Variants in UBE2K observed in about 807,000 individuals in gnomAD.
UBE2K encodes ubiquitin-conjugating enzyme E2 K.
In UBE2K, 6 loss-of-function variants were observed where a neutral mutation model predicts 30.0. The observed-to-expected ratio is 0.20, with a 90% CI of 0.11 to 0.39. UBE2K has a LOEUF of 0.39. Among genes scored for constraint, UBE2K ranks in the 10% least tolerant of loss-of-function variants. The pLI is 1.00. For synonymous variants in UBE2K, 86 were observed against 83.7 expected (o/e 1.03, Z -0.15); for missense variants, 61 against 241.6 (o/e 0.25, Z 4.96).
At chr4:39,705,053 T>G (rs1213267371) in intron 1 of UBE2K, among the ~76,000 whole-genome samples, 2 of 150,010 alleles carry the variant, frequency 1.3e-5, no homozygotes, top group Non-Finnish European at 3.0e-5. Context: ...TTTTTTGTTT[T>G]TTTTTGTTTT....
chr4:39,758,155 A>G (rs1460558204), intron 4 of UBE2K, among the ~76,000 whole-genome samples: 1 of 152,074 alleles, frequency 6.6e-6, no homozygotes, highest in Non-Finnish European at 1.5e-5. Context: ...ACGTCCTTGC[A>G]TTTTCTCAGG....
rs1713611915 is a variant in UBE2K, at chr4:39,781,553, T to C, written c.*3119T>C. ...TAAGTGTATGCCTGATTTGAGCTTT[T>C]AAAACTGTGCAGTAGGTGTATGGTA... is the stretch of plus-strand genomic sequence containing the variant. On this transcript the variant is annotated 3_prime_UTR_variant, in exon 7 of 7. Coordinates refer to ENST00000261427, the MANE Select transcript of UBE2K (RefSeq NM_005339.5). 1 of 171,146 alleles carries C rather than the reference T, an allele frequency of 5.8e-6. No individual in the cohort carries two copies. Among genetic ancestry groups the C allele is most frequent in the African/African-American group, 2.4e-5 (1 of 42,418 alleles). 10.6% of individuals were successfully genotyped at this position (171,146 alleles called of 1,614,324 possible). A position where few individuals can be genotyped will look rare whatever the true frequency, so the allele number is the denominator to read the frequency against.
chr4:39,775,335 A>G (rs459274), intron 5 of UBE2K, among the ~76,000 whole-genome samples: 45,137 of 152,110 alleles, frequency 0.3, 8,406 homozygotes, highest in African/African-American at 0.54. Context: ...CACAGTTTCC[A>G]ATGACCTTGT....
chr4:39,775,325 C>T (rs1263184788), intron 5 of UBE2K, among the ~76,000 whole-genome samples: 1 of 152,220 alleles, frequency 6.6e-6, no homozygotes, highest in East Asian at 1.9e-4. Context: ...TGTGACATGG[C>T]ACAGTTTCCA....
intron 1 of UBE2K, among the ~76,000 whole-genome samples, chr4:39,718,014 C>G (rs1719193569): frequency 6.6e-6 from 1 of 152,016 alleles, no homozygotes; most frequent in African/African-American, 2.4e-5. Flanking sequence ...TGAGCAGTAG[C>G]AAGATTTATT....
At chr4:39,751,922 G>T (rs1473390138) in intron 3 of UBE2K, among the ~76,000 whole-genome samples, 2 of 152,038 alleles carry the variant, frequency 1.3e-5, no homozygotes, top group African/African-American at 4.8e-5. Flanking sequence ...AACCGAGATC[G>T]CACCACCGCA....
chr4:39,722,238 C>T (rs947911679), intron 1 of UBE2K, among the ~76,000 whole-genome samples: 16 of 152,102 alleles, frequency 1.1e-4, no homozygotes, highest in African/African-American at 1.2e-4. Context: ...TTTTTCTCAT[C>T]TCATTAATAC....
intron 4 of UBE2K, among the ~76,000 whole-genome samples, chr4:39,772,632 A>G (rs1355301259): frequency 6.6e-6 from 1 of 152,084 alleles, no homozygotes; most frequent in South Asian, 2.1e-4. Context: ...TTCTCTTTAC[A>G]TGTAACATTT....
chr4:39,749,872 A>G (rs1355216828), intron 3 of UBE2K, among the ~76,000 whole-genome samples: 1 of 152,150 alleles, frequency 6.6e-6, no homozygotes, highest in Non-Finnish European at 1.5e-5. Context: ...TAATAATATA[A>G]TATGCTTTGA....
At chr4:39,722,023 A>G (rs556779353) in intron 1 of UBE2K, among the ~76,000 whole-genome samples, 54 of 152,272 alleles carry the variant, frequency 3.5e-4, no homozygotes, top group African/African-American at 1.1e-3. Flanking sequence ...CAGTAGGTAC[A>G]GTGCCATGAT....
chr4:39,718,796 G>C (rs1352482277), intron 1 of UBE2K, among the ~76,000 whole-genome samples: 1 of 152,266 alleles, frequency 6.6e-6, no homozygotes, highest in African/African-American at 2.4e-5. Context: ...GCCGCTCAGA[G>C]TGCTGAGCCC....
At chr4:39,712,127 C>G (rs1006212865) in intron 1 of UBE2K, among the ~76,000 whole-genome samples, 5 of 150,290 alleles carry the variant, frequency 3.3e-5, no homozygotes, top group Admixed American at 6.6e-5. Flanking sequence ...TGAAACCGCC[C>G]CCCCTTTTTT....
intron 1 of UBE2K, among the ~76,000 whole-genome samples, chr4:39,714,875 TCTCA>T (rs955552868): frequency 4.4e-4 from 67 of 150,912 alleles, no homozygotes; most frequent in African/African-American, 1.3e-3. Flanking sequence ...AAGAGACAGG[TCTCA>T]CTCACACGCT....
chr4:39,778,230 G>T, intron 6 of UBE2K, 130 bp from the exon 7 acceptor site: 1 of 451,590 alleles, frequency 2.2e-6, no homozygotes, highest in Non-Finnish European at 3.8e-6. Flanking sequence ...AGCTTTCCAT[G>T]CACTGCAAAT....
chr4:39,702,206 ATTTTCTTTTC>A (rs36232683), intron 1 of UBE2K, among the ~76,000 whole-genome samples: 17 of 97,922 alleles, frequency 1.7e-4, no homozygotes, highest in Non-Finnish European at 2.9e-4. Flanking sequence ...CTTTGGTAAC[ATTTTCTTTTC>A]TTTTCTTTTC....
At chr4:39,705,717 C>A (rs1053366796) in intron 1 of UBE2K, among the ~76,000 whole-genome samples, 1 of 152,066 alleles carries the variant, frequency 6.6e-6, no homozygotes, top group Admixed American at 6.6e-5. Flanking sequence ...GACAGAGTCT[C>A]GGCTCTATCA....
chr4:39,698,492 TG>T, intron 1 of UBE2K, 102 bp downstream of exon 1: 1 of 1,084,030 alleles, frequency 9.2e-7, no homozygotes, highest in South Asian at 1.3e-5. Flanking sequence ...TGGTCCTCCT[TG>T]CGGCCGCCCT....
rs181721741 is a variant in UBE2K at position 39,741,250 on chromosome 4, G to C, written c.157+3737G>C. Among the ~76,000 whole-genome samples the C allele has an allele frequency of 9.9e-3, 1,499 of 152,046 alleles. 8 individuals carry two copies. The highest frequency in any genetic ancestry group is 0.017 in the Non-Finnish European group (1,165 of 67,970). Reference sequence around the variant, plus strand: ...CGCACCACTGCACTCCAGCCTGGGCGACAGAGGGAGACTGCATCTCAAAAA... The same window carrying C: ...CGCACCACTGCACTCCAGCCTGGGCCACAGAGGGAGACTGCATCTCAAAAA... On this transcript the variant is annotated intron_variant, in intron 2 of 6. Transcript: ENST00000261427.
rs1713476611 is a variant in UBE2K, at chr4:39,779,450, C to T, written c.*1016C>T. The T allele has an allele frequency of 6.6e-6, 1 of 152,506 alleles. No individual in the cohort carries two copies. The highest frequency in any genetic ancestry group is 2.1e-4 in the South Asian group (1 of 4,824). The allele number at this position is 152,506 out of a possible 1,614,324, so 9.4% of individuals were successfully genotyped here. On this transcript the variant is annotated 3_prime_UTR_variant, in exon 7 of 7. Transcript: ENST00000261427. ...GCTTTATTGGATACTTCAAGTCATT[C>T]TTGCTTGCACTTCCCCTATTGACAC...
Sources: allele counts gnomAD v4.1 joint callset (sites outside exome capture counted in the v4.1 genomes callset), GRCh38; gene constraint gnomAD v4.1.1; transcripts MANE v1.5; gene names NCBI Gene and HGNC (gene_info 2026-07-23, HGNC 2026-07-21).